RPS6KB2: variants seen among roughly 807,000 people sequenced by gnomAD.
The protein encoded by RPS6KB2 is ribosomal protein S6 kinase B2.
RPS6KB2 carries 51 observed loss-of-function variants against 58.2 expected under a neutral mutation model. That is an observed-to-expected ratio of 0.88 (90% CI 0.70 to 1.11). The LOEUF (loss-of-function observed/expected upper bound fraction) is 1.11. Ranked by LOEUF, RPS6KB2 falls within the 50% of genes least tolerant of loss-of-function variation. The probability of loss-of-function intolerance (pLI) is 0.00; values close to 1 mark genes in which losing one functional copy is unlikely to be tolerated. For synonymous variants in RPS6KB2, 293 were observed against 258.6 expected (o/e 1.13, Z -1.28); for missense variants, 671 against 655.8 (o/e 1.02, Z -0.25).
rs1294881731 is a variant in RPS6KB2 at position 67,428,514 on chromosome 11, C to A, written c.-32C>A. On this transcript the variant is annotated 5_prime_UTR_variant, in exon 1 of 15. Transcript: ENST00000312629. Reference sequence around the variant, plus strand: ...CTGTCAGTCAGTGCGCGGCCAGGTACGGGCCGACGGGCCCGCGGGGCCGGC... The same window carrying A: ...CTGTCAGTCAGTGCGCGGCCAGGTAAGGGCCGACGGGCCCGCGGGGCCGGC... 2 of 1,583,872 alleles carry A rather than the reference C, an allele frequency of 1.3e-6. No homozygotes were observed. The highest frequency in any genetic ancestry group is 1.1e-5 in the South Asian group (1 of 88,756).
In RPS6KB2 at chr11:67,429,597, TGA is replaced by T. The variant is rs1181736399; in HGVS notation, c.309+4_309+5del. 9.3e-6 allele frequency: 15 copies of T among 1,609,392 alleles called. No individual in the cohort carries two copies. Among genetic ancestry groups the T allele is most frequent in the Admixed American group, 5.1e-5 (3 of 59,324 alleles). On this transcript the variant is annotated splice_donor_region_variant and intron_variant, in intron 4 of 14. Coordinates refer to ENST00000312629, the MANE Select transcript of RPS6KB2 (RefSeq NM_003952.3). ...TATGCCATGAAAGTCCTAAGGAAGG[TGA>T]GTCACTCGTTCAGCCAACGAATACT...
rs111404901 is a variant in RPS6KB2 at position 67,429,652 on chromosome 11, A to C, written c.309+57A>C. The C allele has an allele frequency of 3.3e-5, 47 of 1,404,728 alleles. No homozygotes were observed. The African/African-American group carries it at 4.6e-4, about 14-fold the overall frequency. The allele number at this position is 1,404,728 out of a possible 1,614,324, so 87.0% of individuals were successfully genotyped here. A position where few individuals can be genotyped will look rare whatever the true frequency, so the allele number is the denominator to read the frequency against. ...GTGGCTGCCATTCCCAACATGCTGTACCAGGCTTTGGGAAGACAGCAGGGA... is the reference window on the plus strand; with the variant it reads ...GTGGCTGCCATTCCCAACATGCTGTCCCAGGCTTTGGGAAGACAGCAGGGA... On this transcript the variant is annotated intron_variant, in intron 4 of 14. Coordinates refer to ENST00000312629, the MANE Select transcript of RPS6KB2 (RefSeq NM_003952.3).
At chr11:67,434,167 T>G (rs1327757890) in intron 11 of RPS6KB2, 31 bp from the exon 12 acceptor site, 1 of 1,613,102 alleles carries the variant, frequency 6.2e-7, no homozygotes, top group Non-Finnish European at 8.5e-7. Flanking sequence ...GGGTGAGCTG[T>G]TAGTGGGTTT....
Position 67,429,020 on chromosome 11 carries a change from A to G in RPS6KB2, c.117A>G (p.Leu39=), listed in dbSNP as rs1863935790. Residue 39 remains leucine (L), a splice_region_variant and synonymous_variant, in exon 2 of 15, where the codon CTA becomes CTG. Coordinates refer to ENST00000312629, the MANE Select transcript of RPS6KB2 (RefSeq NM_003952.3). ...CPLAELRAAG[L]EPVGHYEEVE... is the part of the protein sequence containing the mutation. The stretch of plus-strand genomic sequence containing the variant: ...TTGCCGAGTTGAGGGCAGCTGGCCT[A>G]GAGTGAGTGAGGGTCGTGTTGGGGG... 2 of 1,612,626 alleles carry G rather than the reference A, an allele frequency of 1.2e-6. No individual in the cohort carries two copies. The highest frequency in any genetic ancestry group is 1.7e-6 in the Non-Finnish European group (2 of 1,179,390).
In RPS6KB2 at chr11:67,435,287, G is replaced by A. The variant is rs1023975277; in HGVS notation, c.*118G>A. 7 of 955,132 alleles carry A rather than the reference G, an allele frequency of 7.3e-6. No individual in the cohort carries two copies. Among genetic ancestry groups the A allele is most frequent in the African/African-American group, 1.7e-5 (1 of 60,248 alleles). The allele number at this position is 955,132 out of a possible 1,614,324, so 59.2% of individuals were successfully genotyped here. On this transcript the variant is annotated 3_prime_UTR_variant, in exon 15 of 15. Coordinates refer to ENST00000312629, the MANE Select transcript of RPS6KB2 (RefSeq NM_003952.3). ...GTGTCTGGGGGTGGGGTGTGAGTGCGTATGAAAGTGTGTGTCTGCTGGGGC... is the reference window on the plus strand; with the variant it reads ...GTGTCTGGGGGTGGGGTGTGAGTGCATATGAAAGTGTGTGTCTGCTGGGGC...
At chr11:67,431,964 C>T in intron 5 of RPS6KB2, 1 of 268,084 alleles carries the variant, frequency 3.7e-6, no homozygotes, top group Non-Finnish European at 7.3e-6. Context: ...TCCCGCTCAC[C>T]TGCTTTCTAG....
rs778996383 is a variant in RPS6KB2, at chr11:67,434,391, C to T, written c.1062C>T (p.Asp354=). Residue 354 remains aspartate (D), a synonymous_variant, in exon 13 of 15, where the codon GAC becomes GAT. Coordinates refer to ENST00000312629, the MANE Select transcript of RPS6KB2 (RefSeq NM_003952.3). ...TCGGCCCACAGCAGTCAGAGGAGGA[C>T]GTGAGCCAGTTTGATACCCGCTTCA... ...PFRPCLQSEE[D]VSQFDTRFTR... is the part of the protein sequence containing the mutation. 27 of 1,613,076 alleles carry T rather than the reference C, an allele frequency of 1.7e-5. No homozygotes were observed. The highest frequency in any genetic ancestry group is 4.4e-5 in the South Asian group (4 of 91,092).
Position 67,434,673 on chromosome 11 carries a change from GTA to G in RPS6KB2, c.1248_1249del (p.Ser416ArgfsTer15). ...CTGCGCTCACCCAGGCGCCTCAACA[GTA>G]GCCCCCGGGCCCCCGTCAGGTACTG... On this transcript the variant is annotated frameshift_variant, in exon 14 of 15. Coordinates refer to ENST00000312629, the MANE Select transcript of RPS6KB2 (RefSeq NM_003952.3). LOFTEE classifies it high-confidence loss of function. 1 of 1,609,286 alleles carries G rather than the reference GTA, an allele frequency of 6.2e-7. No homozygotes were observed. Among genetic ancestry groups the G allele is most frequent in the South Asian group, 1.1e-5 (1 of 90,710 alleles).
At chr11:67,432,511 G>A in intron 5 of RPS6KB2, 89 bp from the exon 6 acceptor site, 2 of 1,399,068 alleles carry the variant, frequency 1.4e-6, no homozygotes, top group Non-Finnish European at 2.0e-6. Context: ...GGAATTATGA[G>A]CCCCTCTTTC....
intron 1 of RPS6KB2, 81 bp downstream of exon 1, chr11:67,428,704 C>T: frequency 7.3e-7 from 1 of 1,363,928 alleles, no homozygotes; most frequent in Non-Finnish European, 1.0e-6. Context: ...GCTCCGCACG[C>T]CCAGAGCGGG....
chr11:67,428,557 G>A lies in RPS6KB2; in HGVS notation c.12G>A (p.Val4=), dbSNP rs931350270. The change falls in exon 1 of 15, where the codon GTG becomes GTA. Residue 4 remains valine (V), a synonymous_variant. Coordinates refer to ENST00000312629, the MANE Select transcript of RPS6KB2 (RefSeq NM_003952.3). Reference sequence around the variant, plus strand: ...GGGCCGGCGCCGCCATGGCGGCCGTGTTTGATTTGGATTTGGAGACGGAGG... The same window carrying A: ...GGGCCGGCGCCGCCATGGCGGCCGTATTTGATTTGGATTTGGAGACGGAGG... MAA[V]FDLDLETEEG... The A allele has an allele frequency of 1.2e-6, 2 of 1,610,184 alleles. No individual in the cohort carries two copies. Among genetic ancestry groups the A allele is most frequent in the East Asian group, 2.2e-5 (1 of 44,830 alleles).
intron 5 of RPS6KB2, 32 bp downstream of exon 5, chr11:67,431,547 G>C: frequency 6.2e-7 from 1 of 1,605,012 alleles, no homozygotes; most frequent in Non-Finnish European, 8.5e-7. Context: ...GGGGTGCTGG[G>C]GGTCGCGGGG....
At chr11:67,433,070 T>C (rs1392530465) in intron 8 of RPS6KB2, 28 bp downstream of exon 8, 1 of 1,612,210 alleles carries the variant, frequency 6.2e-7, no homozygotes, top group Admixed American at 1.7e-5. Context: ...GGCCCAGGGG[T>C]CGGGAGGACA....
chr11:67,430,291 T>C (rs1221284007), intron 4 of RPS6KB2: 2 of 151,948 alleles, frequency 1.3e-5, no homozygotes, highest in African/African-American at 2.4e-5. Context: ...TTTCTATTTG[T>C]TTACCTACTT....
chr11:67,428,967 C>T lies in RPS6KB2; in HGVS notation c.79-15C>T. On this transcript the variant is annotated splice_polypyrimidine_tract_variant and intron_variant, in intron 1 of 14. Coordinates refer to ENST00000312629, the MANE Select transcript of RPS6KB2 (RefSeq NM_003952.3). ...CTGGCACCTTCCTTGGCTCTTACCC[C>T]TCGGTTTCTCACAGGACGCATGTCC... 1 of 1,614,074 alleles carries T rather than the reference C, an allele frequency of 6.2e-7. No individual in the cohort carries two copies. Among genetic ancestry groups the T allele is most frequent in the Non-Finnish European group, 8.5e-7 (1 of 1,180,030 alleles).
Position 67,428,536 on chromosome 11 carries a change from C to G in RPS6KB2, c.-10C>G. ...GTACGGGCCGACGGGCCCGCGGGGC[C>G]GGCGCCGCCATGGCGGCCGTGTTTG... On this transcript the variant is annotated 5_prime_UTR_variant, in exon 1 of 15. Coordinates refer to ENST00000312629, the MANE Select transcript of RPS6KB2 (RefSeq NM_003952.3). 1 of 1,602,630 alleles carries G rather than the reference C, an allele frequency of 6.2e-7. No individual in the cohort carries two copies. Among genetic ancestry groups the G allele is most frequent in the African/African-American group, 1.3e-5 (1 of 74,824 alleles).
intron 2 of RPS6KB2, 36 bp from the exon 3 acceptor site, chr11:67,429,084 T>C: frequency 1.2e-6 from 2 of 1,613,804 alleles, no homozygotes; most frequent in Non-Finnish European, 8.5e-7. Flanking sequence ...TGGGGAGCAC[T>C]GGAGCCTTGT....
Position 67,428,515 on chromosome 11 carries a change from G to C in RPS6KB2, c.-31G>C, listed in dbSNP as rs376061064. ...TGTCAGTCAGTGCGCGGCCAGGTAC[G>C]GGCCGACGGGCCCGCGGGGCCGGCG... On this transcript the variant is annotated 5_prime_UTR_variant, in exon 1 of 15. Transcript: ENST00000312629. 3.3e-4 allele frequency: 516 copies of C among 1,586,320 alleles called. No homozygotes were observed. Among genetic ancestry groups the C allele is most frequent in the Middle Eastern group, 2.2e-3 (13 of 5,928 alleles).
rs1864216171 is a variant in RPS6KB2 at position 67,435,003 on chromosome 11, C to T, written c.1283C>T (p.Ser428Phe). ...TTCCCCTGCAGCCCCCTCAAGTTCT[C>T]CCCTTTTGAGGGGTTTCGGCCCAGC... ...PRAPVSPLKF[S>F]PFEGFRPSPS... The change falls in exon 15 of 15, where the codon TCC (serine) becomes TTC (phenylalanine). Residue 428 changes from serine (S) to phenylalanine (F), a missense_variant. Physicochemically the swap from Ser to Phe is radical, Grantham distance 155. Transcript: ENST00000312629. 6.2e-7 allele frequency: 1 copy of T among 1,613,616 alleles called. No homozygotes were observed. Among genetic ancestry groups the T allele is most frequent in the Non-Finnish European group, 8.5e-7 (1 of 1,179,816 alleles).
Sources: allele counts gnomAD v4.1 joint callset, GRCh38; gene constraint gnomAD v4.1.1; transcripts MANE v1.5; gene names NCBI Gene and HGNC (gene_info 2026-07-23, HGNC 2026-07-21).